Variants in CSAG1 observed in about 807,000 individuals in gnomAD.
The protein encoded by CSAG1 is chondrosarcoma associated gene 1.
A neutral mutation model predicts 4.8 loss-of-function variants in CSAG1; 4 were observed. The ratio of observed to expected loss-of-function variants is 0.83; its 90% confidence interval spans 0.41 to 1.90. The LOEUF is 1.90. CSAG1 is among the 40% of genes most tolerant of loss of function. CSAG1 has a pLI of 0.03. For synonymous variants in CSAG1, 21 were observed against 23.1 expected, an observed-to-expected ratio of 0.91 and a Z score of 0.26; for missense variants, 69 against 59.5, an observed-to-expected ratio of 1.16 and a Z score of -0.53.
chrX:152,730,346 C>G (rs1356133446), intron 2 of CSAG1, among the ~76,000 whole-genome samples: 2 of 112,035 alleles, frequency 1.8e-5, no homozygotes, highest in African/African-American at 6.4e-5. Context: ...TGCTTGCTTT[C>G]ATCTGAATAT....
intron 2 of CSAG1, among the ~76,000 whole-genome samples, chrX:152,731,388 A>G (rs1171342352): frequency 6.2e-5 from 7 of 112,614 alleles, no homozygotes; most frequent in Non-Finnish European, 1.1e-4. Context: ...ATTAAACTAT[A>G]CAAACTGAAA....
chrX:152,728,716 G>A (rs1407237946), intron 2 of CSAG1, among the ~76,000 whole-genome samples: 72 of 111,973 alleles, frequency 6.4e-4, no homozygotes, highest in Middle Eastern at 4.6e-3. Context: ...GACTGGCGGG[G>A]TTGGCTTCTG....
At chrX:152,729,774 T>C (rs1468458044) in intron 2 of CSAG1, among the ~76,000 whole-genome samples, 1 of 110,302 alleles carries the variant, frequency 9.1e-6, no homozygotes, top group African/African-American at 3.3e-5. Context: ...CTCGTGGAAA[T>C]GCAACATGGC....
Position 152,727,625 on chromosome X carries a change from T to G in CSAG1, c.*169A>C. 1 of 605,225 alleles carries G rather than the reference T, an allele frequency of 1.7e-6. No individual in the cohort carries two copies. The highest frequency in any genetic ancestry group is 2.7e-6 in the Non-Finnish European group (1 of 365,879). 49.9% of individuals were successfully genotyped at this position (605,225 alleles called of 1,213,427 possible). ...CAGATAGACTTGAAGTCTCTGGCCT[T>G]GCCTGGGAATTACTGGCTGCCCAAG... On this transcript the variant is annotated 3_prime_UTR_variant, in exon 4 of 4. Transcript: ENST00000452779.
chrX:152,731,451 T>A (rs1285085171), intron 2 of CSAG1, among the ~76,000 whole-genome samples: 2 of 112,247 alleles, frequency 1.8e-5, no homozygotes, highest in South Asian at 3.7e-4. Context: ...GTTAGGCAGT[T>A]TTGGAGGCCA....
chrX:152,731,110 C>T (rs1315963799), intron 2 of CSAG1, among the ~76,000 whole-genome samples: 1 of 111,909 alleles, frequency 8.9e-6, no homozygotes. Context: ...ATTGGCTCCA[C>T]GTTATTACAG....
chrX:152,733,601 G>A (rs1932214602), intron 1 of CSAG1, 67 bp downstream of exon 1: 1 of 68,388 alleles, frequency 1.5e-5, no homozygotes, highest in Admixed American at 2.1e-4. Flanking sequence ...AACCCCACCA[G>A]GATCTACAGC....
intron 2 of CSAG1, among the ~76,000 whole-genome samples, chrX:152,730,783 A>C (rs1487497041): frequency 8.9e-6 from 1 of 112,405 alleles, no homozygotes; most frequent in Non-Finnish European, 1.9e-5. Flanking sequence ...GTCTAAAAGT[A>C]ACTTAAGAGG....
At chrX:152,730,762 A>C (rs1463923691) in intron 2 of CSAG1, among the ~76,000 whole-genome samples, 50 of 112,329 alleles carry the variant, frequency 4.5e-4, no homozygotes, top group Admixed American at 1.9e-3. Context: ...GTGAAGCTTA[A>C]TGTATGTAAC....
intron 2 of CSAG1, among the ~76,000 whole-genome samples, chrX:152,729,663 C>T (rs1556831459): frequency 2.9e-4 from 32 of 111,295 alleles, no homozygotes; most frequent in African/African-American, 1.0e-3. Context: ...CACTACACAC[C>T]TATTAGTATG....
chrX:152,731,264 C>G (rs1417415286), intron 2 of CSAG1, among the ~76,000 whole-genome samples: 1 of 111,940 alleles, frequency 8.9e-6, no homozygotes, highest in East Asian at 2.8e-4. Context: ...CCTAATAAAA[C>G]GTTTTTTATC....
rs1402289416 is a variant in CSAG1 at position 152,727,595 on chromosome X, C to A, written c.*199G>T. The A allele has an allele frequency of 1.8e-5, 9 of 509,927 alleles. No individual in the cohort carries two copies. Among genetic ancestry groups the A allele is most frequent in the Admixed American group, 3.5e-5 (1 of 28,883 alleles). 42.0% of individuals were successfully genotyped at this position (509,927 alleles called of 1,213,427 possible). ...TTATCTGGGGTTAGACTTCTGGAGA[C>A]TTTTCAGATAGACTTGAAGTCTCTG... is the stretch of plus-strand genomic sequence containing the variant. On this transcript the variant is annotated 3_prime_UTR_variant, in exon 4 of 4. Coordinates refer to ENST00000452779, the MANE Select transcript of CSAG1 (RefSeq NM_001102576.3).
intron 2 of CSAG1, 63 bp from the exon 3 acceptor site, chrX:152,728,287 T>A: frequency 8.9e-7 from 1 of 1,118,329 alleles, no homozygotes; most frequent in Non-Finnish European, 1.2e-6. Flanking sequence ...CAAGAAACCT[T>A]GGTCTTTTAA....
intron 2 of CSAG1, 134 bp from the exon 3 acceptor site, chrX:152,728,358 A>G: frequency 1.6e-6 from 1 of 626,163 alleles, no homozygotes; most frequent in Non-Finnish European, 2.7e-6. Flanking sequence ...CTTTACTTAA[A>G]GTCAACTGAT....
At chrX:152,730,437 G>T (rs1379340347) in intron 2 of CSAG1, among the ~76,000 whole-genome samples, 14 of 111,585 alleles carry the variant, frequency 1.3e-4, no homozygotes, top group African/African-American at 4.5e-4. Flanking sequence ...AGAATGACTA[G>T]TTCATGAGAG....
intron 2 of CSAG1, among the ~76,000 whole-genome samples, chrX:152,728,619 A>C (rs1410759945): frequency 2.7e-5 from 3 of 112,564 alleles, no homozygotes; most frequent in African/African-American, 6.5e-5. Context: ...CTCAGGCTAG[A>C]ATAACAAAAT....
At chrX:152,733,482 C>T (rs1932209681) in intron 1 of CSAG1, among the ~76,000 whole-genome samples, 186 bp downstream of exon 1, 1 of 111,257 alleles carries the variant, frequency 9.0e-6, no homozygotes, top group Non-Finnish European at 1.9e-5. Flanking sequence ...GAGACTTGGT[C>T]TGAGGGGAGC....
chrX:152,730,888 G>A (rs1266642607), intron 2 of CSAG1, among the ~76,000 whole-genome samples: 6 of 112,103 alleles, frequency 5.4e-5, no homozygotes, highest in African/African-American at 1.9e-4. Flanking sequence ...GCAAGTGGGG[G>A]GAAAGTTATC....
intron 2 of CSAG1, among the ~76,000 whole-genome samples, chrX:152,730,736 C>A (rs1384626098): frequency 8.9e-6 from 1 of 112,291 alleles, no homozygotes; most frequent in Non-Finnish European, 1.9e-5. Context: ...ACCCATAGAT[C>A]TTTACAGCAC....
Sources: gnomAD v4.1 joint callset for allele counts (sites outside exome capture counted in the v4.1 genomes callset) on GRCh38, gnomAD v4.1.1 for gene constraint, MANE v1.5 for transcripts, NCBI Gene and HGNC (gene_info 2026-07-23, HGNC 2026-07-21) for gene names.